Variants in ZNF883 observed in about 807,000 individuals in gnomAD.
The protein encoded by ZNF883 is zinc finger protein 883.
intron 2 of ZNF883, among the ~76,000 whole-genome samples, chr9:113,007,687 A>C (rs568258083): frequency 6.6e-6 from 1 of 152,320 alleles, no homozygotes; most frequent in African/African-American, 2.4e-5. Flanking sequence ...CTTGCTCTCT[A>C]AACCTCACAA....
intron 2 of ZNF883, among the ~76,000 whole-genome samples, chr9:113,010,466 A>G (rs1177247124): frequency 6.6e-6 from 1 of 152,210 alleles, no homozygotes; most frequent in African/African-American, 2.4e-5. Flanking sequence ...ATATTATTGC[A>G]TGGTTGTATA....
chr9:113,002,998 T>A (rs938356688), upstream of ZNF883, among the ~76,000 whole-genome samples: 2 of 152,178 alleles, frequency 1.3e-5, no homozygotes, highest in Admixed American at 1.3e-4. Context: ...ACTTCAAGCC[T>A]CCAGAACTGT....
chr9:113,009,092 A>G (rs1451789254), intron 2 of ZNF883, among the ~76,000 whole-genome samples: 1 of 152,152 alleles, frequency 6.6e-6, no homozygotes, highest in East Asian at 1.9e-4. Context: ...TTGCTACCCT[A>G]TACTCTATTC....
intron 1 of ZNF883, among the ~76,000 whole-genome samples, chr9:112,991,724 T>C (rs570871594): frequency 6.6e-6 from 1 of 152,328 alleles, no homozygotes; most frequent in African/African-American, 2.4e-5. Flanking sequence ...TAAGTCTCTT[T>C]GTCGGTCTCT....
chr9:112,999,043 CATT>C (rs1273353982), upstream of ZNF883: 1 of 152,100 alleles, frequency 6.6e-6, no homozygotes, highest in Non-Finnish European at 1.5e-5. Flanking sequence ...CATATGATGA[CATT>C]ATTTTGTTTT....
At chr9:112,988,563 C>T (rs1489049354) in intron 1 of ZNF883, among the ~76,000 whole-genome samples, 1 of 152,092 alleles carries the variant, frequency 6.6e-6, no homozygotes, top group African/African-American at 2.4e-5. Flanking sequence ...CGTTGATTGG[C>T]ATTTGGGTTG....
chr9:112,988,580 T>C (rs1486989693), intron 1 of ZNF883, among the ~76,000 whole-genome samples: 1 of 152,212 alleles, frequency 6.6e-6, no homozygotes, highest in African/African-American at 2.4e-5. Flanking sequence ...GTTGATTCCA[T>C]GTCTTTGCTA....
chr9:112,997,841 A>C, exon 1 of ZNF883: 1 of 1,612,854 alleles, frequency 6.2e-7, no homozygotes. Flanking sequence ...ATGTTGAGTA[A>C]GGGCAGAGAT....
At chr9:112,997,770 G>C in exon 1 of ZNF883, 1 of 1,613,726 alleles carries the variant, frequency 6.2e-7, no homozygotes, top group Non-Finnish European at 8.5e-7. Context: ...TGTGTGCTGC[G>C]GCTGAAGGTT....
Sources: allele counts gnomAD v4.1 joint callset (sites outside exome capture counted in the v4.1 genomes callset), GRCh38; gene constraint gnomAD v4.1.1; transcripts MANE v1.5; gene names NCBI Gene and HGNC (gene_info 2026-07-23, HGNC 2026-07-21).